The following SAMD7 variants were observed in gnomAD, a reference collection of about 807,000 sequenced individuals.
SAMD7 encodes sterile alpha motif domain-containing protein 7.
A neutral mutation model predicts 36.7 loss-of-function variants in SAMD7; 34 were observed. The ratio of observed to expected loss-of-function variants is 0.93; its 90% CI spans 0.71 to 1.23. The LOEUF is 1.23. Ranked by LOEUF, SAMD7 falls within the 50% of genes most tolerant of loss-of-function variation. The pLI, the probability that SAMD7 is intolerant of heterozygous loss-of-function variation, is 0.00. For missense variants in SAMD7, 570 were observed against 546.6 expected, an observed-to-expected ratio of 1.04 and a Z score of -0.43; for synonymous variants, 188 against 189.7, an observed-to-expected ratio of 0.99 and a Z score of 0.07.
chr3:169,918,377 C>G (rs1712904469), intron 2 of SAMD7, among the ~76,000 whole-genome samples: 1 of 152,104 alleles, frequency 6.6e-6, no homozygotes, highest in South Asian at 2.1e-4. Context: ...CCCCTTCCAC[C>G]CCACTACCCA....
chr3:169,924,510 C>T (rs1470540601), intron 4 of SAMD7, among the ~76,000 whole-genome samples: 1 of 152,072 alleles, frequency 6.6e-6, no homozygotes, highest in African/African-American at 2.4e-5. Flanking sequence ...TTGCTTGAAC[C>T]TGGGAGGTAG....
chr3:169,937,753 T>C (rs1386217189), intron 8 of SAMD7, among the ~76,000 whole-genome samples: 2 of 152,360 alleles, frequency 1.3e-5, no homozygotes, highest in Admixed American at 1.3e-4. Context: ...GAATGATTTA[T>C]ATTCCTTTGG....
chr3:169,918,633 C>G (rs976397939), intron 2 of SAMD7, among the ~76,000 whole-genome samples: 1 of 152,166 alleles, frequency 6.6e-6, no homozygotes, highest in Non-Finnish European at 1.5e-5. Context: ...TTTATGTAAA[C>G]TTGGCTGTAA....
At chr3:169,927,285 CTTTTTTTTTT>C (rs71634451) in intron 6 of SAMD7, 104 bp downstream of exon 6, 59 of 141,788 alleles carry the variant, frequency 4.2e-4, no homozygotes, top group South Asian at 3.0e-3. Flanking sequence ...TTTTATCTTT[CTTTTTTTTTT>C]TTTTTTTTTT....
rs1713267341 is a variant in SAMD7, at chr3:169,926,596, G to C, written c.334G>C (p.Glu112Gln). Residue 112 changes from glutamate (E) to glutamine (Q), a missense_variant, in exon 6 of 9, where the codon GAA becomes CAA. Glu to Gln is a conservative substitution (Grantham distance 29, BLOSUM62 2). Coordinates refer to ENST00000335556, the MANE Select transcript of SAMD7 (RefSeq NM_001304366.2). ...TGCTATTTACCAGCAAAGGAGAATG[G>C]AAAAAATTAATCCCAAGGGACTAGC... The part of the protein sequence containing the change: ...MYAIYQQRRM[E>Q]KINPKGLAGL... 1 of 1,612,838 alleles carries C rather than the reference G, an allele frequency of 6.2e-7. No homozygotes were observed. The highest frequency in any genetic ancestry group is 8.5e-7 in the Non-Finnish European group (1 of 1,179,338).
intron 2 of SAMD7, among the ~76,000 whole-genome samples, chr3:169,917,892 C>T (rs1484828753): frequency 6.6e-6 from 1 of 151,826 alleles, no homozygotes; most frequent in Non-Finnish European, 1.5e-5. Context: ...CCGCCCGCCT[C>T]GGCCTCCCAA....
chr3:169,911,971 T>G (rs937776292), intron 1 of SAMD7, 150 bp downstream of exon 1: 11 of 152,226 alleles, frequency 7.2e-5, no homozygotes, highest in Non-Finnish European at 1.6e-4. Context: ...ACTAACAGTA[T>G]GTGAGCTAAT....
At position 169,923,685 on chromosome 3, in the gene SAMD7, T is replaced by TG. The variant is rs569766845; in HGVS notation, c.212-1372dup. ...TGAACACGGGAGAGGGAGGTTGCAATGAGCCAAGACCATGCCATTACACTC... is the reference window on the plus strand; with the variant it reads ...TGAACACGGGAGAGGGAGGTTGCAATGGAGCCAAGACCATGCCATTACACTC... On this transcript the variant is annotated intron_variant, in intron 4 of 8. Transcript: ENST00000335556. Among the ~76,000 whole-genome samples the TG allele has an allele frequency of 5.2e-4, 79 of 152,282 alleles. No homozygotes were observed. In the East Asian group the frequency reaches 8.1e-3, roughly 16 times the overall value.
chr3:169,927,435 C>T (rs1344002251), intron 6 of SAMD7, among the ~76,000 whole-genome samples: 1 of 151,848 alleles, frequency 6.6e-6, no homozygotes, highest in African/African-American at 2.4e-5. Flanking sequence ...GCTGGGACTA[C>T]AGGAGCATGC....
intron 7 of SAMD7, chr3:169,932,326 C>T (rs1026722219): frequency 2.8e-6 from 2 of 704,684 alleles, no homozygotes; most frequent in African/African-American, 1.8e-5. Flanking sequence ...TAAAGGGACA[C>T]AGCTGAAAGC....
At position 169,935,101 on chromosome 3, in the gene SAMD7, A is replaced by G. The variant is rs186700415; in HGVS notation, c.1042-1238A>G. Among the ~76,000 whole-genome samples the G allele has an allele frequency of 2.4e-3, 360 of 152,332 alleles. 1 individual carries two copies. Among genetic ancestry groups the G allele is most frequent in the Non-Finnish European group, 2.5e-3 (169 of 68,024 alleles). On this transcript the variant is annotated intron_variant, in intron 7 of 8. Transcript: ENST00000335556. ...GTCGGGGCAGAGCTCAGATTCCCTG[A>G]GACTGCAGAATGACTGGGAAATTAG...
Position 169,938,333 on chromosome 3 carries a change from G to A in SAMD7, c.1168G>A (p.Gly390Arg). 1 of 1,605,604 alleles carries A rather than the reference G, an allele frequency of 6.2e-7. No homozygotes were observed. The highest frequency in any genetic ancestry group is 8.5e-7 in the Non-Finnish European group (1 of 1,174,886). ...GTCTTAAAAGGTATCTCAGCATGTGGGAAGTATGTTCTACAAGAAAACTCT... is the reference window on the plus strand; with the variant it reads ...GTCTTAAAAGGTATCTCAGCATGTGAGAAGTATGTTCTACAAGAAAACTCT... ...KIQSQVSQHV[G>R]SMFYKKTLSF... Residue 390 changes from glycine (G) to arginine (R), a missense_variant, in exon 9 of 9, where the codon GGA (glycine) becomes AGA (arginine). Gly to Arg is a moderately radical substitution (Grantham distance 125). Transcript: ENST00000335556.
chr3:169,928,650 T>A (rs998605990), intron 7 of SAMD7, 72 bp downstream of exon 7: 5 of 1,478,902 alleles, frequency 3.4e-6, no homozygotes, highest in Non-Finnish European at 3.7e-6. Context: ...ATGAATTAGG[T>A]CAAACTTGCA....
intron 5 of SAMD7, among the ~76,000 whole-genome samples, chr3:169,925,570 CA>C (rs1026477423): frequency 4.0e-5 from 6 of 151,826 alleles, no homozygotes; most frequent in African/African-American, 1.5e-4. Flanking sequence ...ACTAAAAATA[CA>C]AAAAAACCAG....
chr3:169,919,624 A>G, intron 3 of SAMD7, 40 bp downstream of exon 3: 1 of 1,396,682 alleles, frequency 7.2e-7, no homozygotes, highest in South Asian at 1.2e-5. Context: ...AAAGAACAAC[A>G]TGGACAATCA....
chr3:169,921,646 A>G (rs548938832), intron 4 of SAMD7, among the ~76,000 whole-genome samples: 2 of 152,324 alleles, frequency 1.3e-5, no homozygotes, highest in South Asian at 4.1e-4. Context: ...CTGAGAATTA[A>G]TGGGGCTTAA....
chr3:169,921,460 C>A, intron 4 of SAMD7, 122 bp downstream of exon 4: 3 of 962,678 alleles, frequency 3.1e-6, no homozygotes, highest in Non-Finnish European at 4.8e-6. Flanking sequence ...GTTGTCTCTG[C>A]AGTCTCTGTA....
chr3:169,919,434 A>T, intron 2 of SAMD7, 24 bp from the exon 3 acceptor site: 1 of 1,193,134 alleles, frequency 8.4e-7, no homozygotes, highest in Non-Finnish European at 1.3e-6. Context: ...TTATTTGTTA[A>T]AGTGTCTATC....
chr3:169,932,653 A>G (rs1713548889), intron 7 of SAMD7: 1 of 553,038 alleles, frequency 1.8e-6, no homozygotes, highest in Non-Finnish European at 3.6e-6. Context: ...ATGGAGACAC[A>G]ATGGAAAAAT....
Sources: gnomAD v4.1 joint callset for allele counts (sites outside exome capture counted in the v4.1 genomes callset) on GRCh38, gnomAD v4.1.1 for gene constraint, MANE v1.5 for transcripts, NCBI Gene and HGNC (gene_info 2026-07-23, HGNC 2026-07-21) for gene names.